EIF3B: variants seen among roughly 807,000 people sequenced by gnomAD.
EIF3B encodes eukaryotic translation initiation factor 3 subunit 9.
In EIF3B, 10 loss-of-function variants were observed where a neutral mutation model predicts 104.6. That is an observed-to-expected ratio of 0.10 (90% confidence interval 0.06 to 0.16). The LOEUF is 0.16. Ranked by LOEUF, EIF3B falls within the 10% of genes least tolerant of loss-of-function variation. The pLI is 1.00. For synonymous variants in EIF3B, 542 were observed against 417.2 expected, an observed-to-expected ratio of 1.30 and a Z score of -3.65; for missense variants, 1,014 against 1,087.9, an observed-to-expected ratio of 0.93 and a Z score of 0.96.
Position 2,379,156 on chromosome 7 carries a change from C to T in EIF3B, c.2255C>T (p.Thr752Ile), listed in dbSNP as rs772928713. Residue 752 changes from threonine (T) to isoleucine (I), a missense_variant, in exon 17 of 19, where the codon ACC becomes ATC. Physicochemically the swap from Thr to Ile is moderately conservative, Grantham distance 89. Around this residue, in one of 4 missense-constraint regions of EIF3B, gnomAD observed 266 missense variants for 324.0 expected, o/e 0.82. Coordinates refer to ENST00000360876, the MANE Select transcript of EIF3B (RefSeq NM_001037283.2). ...TAGGAATTGGTGGAGAGAAGGCGCA[C>T]CATGATGGAAGATTTCCGGAAGTAC... is the stretch of plus-strand genomic sequence containing the variant. ...ASKELVERRR[T>I]MMEDFRKYRK... The T allele has an allele frequency of 1.2e-6, 2 of 1,613,914 alleles. No homozygotes were observed. Among genetic ancestry groups the T allele is most frequent in the Non-Finnish European group, 1.7e-6 (2 of 1,179,964 alleles).
At position 2,371,837 on chromosome 7, in the gene EIF3B, G is replaced by A. The variant is rs973008044; in HGVS notation, c.1675G>A (p.Val559Ile). Residue 559 changes from valine to isoleucine, a missense_variant, in exon 11 of 19, where the codon GTC becomes ATC. Transcript: ENST00000360876. ...GGAGAAACAGGTACCTGTGGATGTG[G>A]TCGAGATGAAAGGCAAGTTGTATTT... ...MREKQVPVDV[V>I]EMKETIIAFA... The A allele has an allele frequency of 1.2e-6, 2 of 1,613,870 alleles. No homozygotes were observed. The highest frequency in any genetic ancestry group is 1.7e-5 in the Admixed American group (1 of 59,998).
chr7:2,375,472 A>G lies in EIF3B; in HGVS notation c.1973A>G (p.Glu658Gly). 6.2e-7 allele frequency: 1 copy of G among 1,614,152 alleles called. No homozygotes were observed. The highest frequency in any genetic ancestry group is 1.1e-5 in the South Asian group (1 of 91,074). The change falls in exon 14 of 19, where the codon GAA becomes GGA. Residue 658 changes from glutamate (E) to glycine (G), a missense_variant. By Grantham distance (98) the Glu-to-Gly change is moderately conservative (BLOSUM62 -2). Coordinates refer to ENST00000360876, the MANE Select transcript of EIF3B (RefSeq NM_001037283.2). Reference sequence around the variant, plus strand: ...GAGCACTACATGGCTTCCGACGTCGAATGGGATCCTACTGGGCGCTACGTC... The same window carrying G: ...GAGCACTACATGGCTTCCGACGTCGGATGGGATCCTACTGGGCGCTACGTC... ...IAEHYMASDV[E>G]WDPTGRYVVT... is the part of the protein sequence containing the mutation.
intron 2 of EIF3B, 122 bp from the exon 3 acceptor site, chr7:2,362,523 A>G: frequency 2.4e-6 from 3 of 1,260,130 alleles, no homozygotes; most frequent in Admixed American, 4.1e-5. Context: ...GGCTCGAGGC[A>G]GGAAGAGCAG....
At position 2,366,341 on chromosome 7, in the gene EIF3B, G is replaced by C; in HGVS notation, c.1182G>C (p.Leu394=). 6.2e-7 allele frequency: 1 copy of C among 1,612,240 alleles called. No individual in the cohort carries two copies. Among genetic ancestry groups the C allele is most frequent in the Non-Finnish European group, 8.5e-7 (1 of 1,179,212 alleles). The change falls in exon 7 of 19, where the codon CTG becomes CTC. Residue 394 remains leucine, a synonymous_variant. Coordinates refer to ENST00000360876, the MANE Select transcript of EIF3B (RefSeq NM_001037283.2). ...GGTACCTGGTGACCTTTAGCCCCCT[G>C]ATGGACACGCAGGATGACCCTCAGG... ...CERYLVTFSP[L]MDTQDDPQAI...
intron 10 of EIF3B, among the ~76,000 whole-genome samples, chr7:2,371,367 G>A (rs1171553014): frequency 6.6e-6 from 1 of 152,212 alleles, no homozygotes; most frequent in Non-Finnish European, 1.5e-5. Context: ...CTCGAGTAGG[G>A]CAGGACTTCT....
Position 2,362,745 on chromosome 7 carries a change from C to G in EIF3B, c.793C>G (p.Leu265Val), listed in dbSNP as rs763185237. 1 of 1,614,220 alleles carries G rather than the reference C, an allele frequency of 6.2e-7. No homozygotes were observed. Among genetic ancestry groups the G allele is most frequent in the East Asian group, 2.2e-5 (1 of 44,874 alleles). Residue 265 changes from leucine to valine, a missense_variant, in exon 3 of 19, where the codon CTC becomes GTC. Physicochemically the swap from Leu to Val is conservative, Grantham distance 32. Coordinates refer to ENST00000360876, the MANE Select transcript of EIF3B (RefSeq NM_001037283.2). ...LDKQHTFRVN[L>V]FTDFDKYMTI... Reference sequence around the variant, plus strand: ...CAAGCAGCACACATTCCGGGTCAACCTCTTTACGGATTTTGACAAGTGAGT... The same window carrying G: ...CAAGCAGCACACATTCCGGGTCAACGTCTTTACGGATTTTGACAAGTGAGT...
chr7:2,354,612 C>T (rs962615742), upstream of EIF3B, among the ~76,000 whole-genome samples: 1 of 152,214 alleles, frequency 6.6e-6, no homozygotes, highest in African/African-American at 2.4e-5. Flanking sequence ...TCTGCTGCCA[C>T]ACATGGGGTG....
chr7:2,378,416 ATGG>A lies in EIF3B; in HGVS notation c.2155-272_2155-270del, dbSNP rs1192893910. ...TGTTGTGTGAATGACCCTGGGTGTC[ATGG>A]AGGAAGGAGCAGGCGCGAGCGCTCC... is the stretch of plus-strand genomic sequence containing the variant. On this transcript the variant is annotated intron_variant, in intron 15 of 18. Coordinates refer to ENST00000360876, the MANE Select transcript of EIF3B (RefSeq NM_001037283.2). 1,337 of 301,314 alleles carry A rather than the reference ATGG, an allele frequency of 4.4e-3. 35 individuals carry two copies. The African/African-American group carries it at 0.044, about 10-fold the overall frequency. The allele number at this position is 301,314 out of a possible 1,614,324, so 18.7% of individuals were successfully genotyped here. A position where few individuals can be genotyped will look rare whatever the true frequency, so the allele number is the denominator to read the frequency against.
Sources: allele counts gnomAD v4.1 joint callset (sites outside exome capture counted in the v4.1 genomes callset), GRCh38; gene constraint gnomAD v4.1.1; regional missense constraint gnomAD v4.1.1; transcripts MANE v1.5; gene names NCBI Gene and HGNC (gene_info 2026-07-23, HGNC 2026-07-21).